The following DAB1 variants were observed in gnomAD, a reference collection of about 807,000 sequenced individuals.
The protein encoded by DAB1 is DAB adaptor protein 1.
A neutral mutation model predicts 64.6 loss-of-function variants in DAB1; 15 were observed. That is an observed-to-expected ratio of 0.23 (90% CI 0.16 to 0.36). The LOEUF (loss-of-function observed/expected upper bound fraction) is 0.36. Among genes scored for constraint, DAB1 ranks in the 10% least tolerant of loss-of-function variants. The pLI, the probability that DAB1 is intolerant of heterozygous loss-of-function variation, is 1.00. For synonymous variants in DAB1, 235 were observed against 251.9 expected (o/e 0.93, Z 0.64); for missense variants, 596 against 706.7 (o/e 0.84, Z 1.78).
At chr1:57,385,309 C>A (rs1008203394) in intron 1 of DAB1, among the ~76,000 whole-genome samples, 1 of 152,204 alleles carries the variant, frequency 6.6e-6, no homozygotes, top group African/African-American at 2.4e-5. Context: ...TGTATTAGCT[C>A]CTTTTACTGC....
intron 7 of DAB1, among the ~76,000 whole-genome samples, chr1:57,558,146 A>G (rs2101496703): frequency 6.6e-6 from 1 of 152,342 alleles, no homozygotes. Flanking sequence ...AGCTGGGGAC[A>G]CTGAGTTTGT....
At chr1:57,120,948 T>G (rs1656582395) in intron 4 of DAB1, among the ~76,000 whole-genome samples, 1 of 152,020 alleles carries the variant, frequency 6.6e-6, no homozygotes, top group Non-Finnish European at 1.5e-5. Context: ...AAGAGAGATA[T>G]CTAACCTAGG....
intron 1 of DAB1, among the ~76,000 whole-genome samples, chr1:58,540,327 A>G (rs61781824): frequency 0.13 from 20,371 of 151,934 alleles, 1,508 homozygotes; most frequent in African/African-American, 0.19. Flanking sequence ...AAACTATTTA[A>G]CACTTAACAA....
intron 7 of DAB1, chr1:57,606,049 G>A (rs948415523): frequency 1.9e-6 from 1 of 539,160 alleles, no homozygotes; most frequent in Non-Finnish European, 3.3e-6. Flanking sequence ...TATTCAAACT[G>A]GTCCTTTCCC....
At chr1:57,097,287 A>T (rs932160660) in intron 4 of DAB1, among the ~76,000 whole-genome samples, 7 of 152,174 alleles carry the variant, frequency 4.6e-5, no homozygotes, top group African/African-American at 1.7e-4. Flanking sequence ...ATCAATGACC[A>T]ATATTCATCT....
At chr1:58,296,372 C>G (rs185322436) in intron 4 of DAB1, among the ~76,000 whole-genome samples, 7 of 152,150 alleles carry the variant, frequency 4.6e-5, no homozygotes, top group Admixed American at 3.9e-4. Context: ...CCAAAGGACC[C>G]AGTAATATGA....
At chr1:57,908,841 C>T (rs185184031) in intron 5 of DAB1, among the ~76,000 whole-genome samples, 4 of 152,224 alleles carry the variant, frequency 2.6e-5, no homozygotes, top group Admixed American at 2.0e-4. Context: ...GGTTTAGATT[C>T]GTGAAGCCAA....
intron 1 of DAB1, among the ~76,000 whole-genome samples, chr1:57,351,578 T>C (rs1356596254): frequency 6.6e-6 from 1 of 152,082 alleles, no homozygotes; most frequent in Non-Finnish European, 1.5e-5. Context: ...AGGATAGGGA[T>C]AACAAGTTGG....
At chr1:57,335,155 C>T (rs1346815985) in intron 1 of DAB1, among the ~76,000 whole-genome samples, 2 of 152,036 alleles carry the variant, frequency 1.3e-5, no homozygotes, top group Admixed American at 1.3e-4. Context: ...AGTTTCCTGG[C>T]TTTCTTCTGG....
intron 7 of DAB1, among the ~76,000 whole-genome samples, chr1:57,568,830 G>A (rs1405825247): frequency 2.0e-5 from 3 of 152,042 alleles, no homozygotes; most frequent in Non-Finnish European, 4.4e-5. Context: ...ACTGTTGGTG[G>A]GACTGTAAAC....
intron 5 of DAB1, among the ~76,000 whole-genome samples, chr1:58,082,906 G>A (rs1650086647): frequency 6.6e-6 from 1 of 152,086 alleles, no homozygotes; most frequent in Non-Finnish European, 1.5e-5. Flanking sequence ...GTAGACTGTG[G>A]GGAGACTGAC....
At chr1:58,306,776 A>C (rs1662318920) in intron 4 of DAB1, among the ~76,000 whole-genome samples, 1 of 152,194 alleles carries the variant, frequency 6.6e-6, no homozygotes, top group Non-Finnish European at 1.5e-5. Flanking sequence ...CCTTGTCTGC[A>C]GCAGCAGCCC....
intron 7 of DAB1, among the ~76,000 whole-genome samples, chr1:57,587,285 A>G (rs7551052): frequency 0.96 from 146,763 of 152,254 alleles, 70,923 homozygotes; most frequent in East Asian, 1. Flanking sequence ...AGGGTTTCAC[A>G]GCTTGCTAAG....
intron 2 of DAB1, among the ~76,000 whole-genome samples, chr1:57,161,672 T>C (rs1361519663): frequency 6.6e-6 from 1 of 152,210 alleles, no homozygotes; most frequent in African/African-American, 2.4e-5. Flanking sequence ...CTTTTTATTT[T>C]TTTAACTTTC....
intron 1 of DAB1, among the ~76,000 whole-genome samples, chr1:57,380,608 G>C (rs377491522): frequency 6.6e-6 from 1 of 152,138 alleles, no homozygotes; most frequent in Non-Finnish European, 1.5e-5. Flanking sequence ...TGTTTATATT[G>C]CATGCCAACA....
At chr1:57,530,242 A>T (rs555975791) in intron 7 of DAB1, among the ~76,000 whole-genome samples, 24 of 152,314 alleles carry the variant, frequency 1.6e-4, no homozygotes, top group African/African-American at 5.5e-4. Context: ...TTGATATGAC[A>T]GCCTCTCTTG....
intron 5 of DAB1, among the ~76,000 whole-genome samples, chr1:58,043,483 G>C (rs1436026288): frequency 6.6e-6 from 1 of 152,056 alleles, no homozygotes; most frequent in African/African-American, 2.4e-5. Flanking sequence ...TATTTCCACT[G>C]CTTGTAGTGC....
intron 2 of DAB1, among the ~76,000 whole-genome samples, chr1:58,515,277 C>T (rs747641878): frequency 2.6e-5 from 4 of 152,184 alleles, no homozygotes; most frequent in Admixed American, 6.5e-5. Flanking sequence ...CAATCCCTCA[C>T]ACCAAGAGAA....
At position 58,277,894 on chromosome 1, in the gene DAB1, C is replaced by A. The variant is rs141432028; in HGVS notation, n.309+65458G>T. 2.9e-3 allele frequency among the ~76,000 whole-genome samples: 436 copies of A among 152,314 alleles called. 3 individuals carry two copies. Among genetic ancestry groups the A allele is most frequent in the Non-Finnish European group, 2.3e-3 (156 of 68,024 alleles). On this transcript the variant is annotated intron_variant and non_coding_transcript_variant, in intron 4 of 20. Transcript: ENST00000485760. ...CCAATTCTTCCCACTTGTGTGGTTG[C>A]TGGAGAATATTCTTCCATCCACACC...
Sources: allele counts gnomAD v4.1 joint callset (sites outside exome capture counted in the v4.1 genomes callset), GRCh38; gene constraint gnomAD v4.1.1; transcripts MANE v1.5; gene names NCBI Gene and HGNC (gene_info 2026-07-23, HGNC 2026-07-21).